Variants in COL24A1 observed in about 807,000 individuals in gnomAD.
COL24A1 encodes collagen type XXIV alpha 1 chain, also known as collagen alpha-1(XXIV) chain.
COL24A1 carries 224 observed loss-of-function variants against 253.9 expected under a neutral mutation model. The ratio of observed to expected loss-of-function variants is 0.88; its 90% CI spans 0.79 to 0.99. The LOEUF is 0.99. Among genes scored for constraint, COL24A1 ranks in the 50% least tolerant of loss-of-function variants. COL24A1 has a pLI of 0.00. For synonymous variants in COL24A1, 685 were observed against 673.7 expected (o/e 1.02, Z -0.26); for missense variants, 2,131 against 2,068.5 (o/e 1.03, Z -0.59).
chr1:86,102,235 C>A (rs1704532239), intron 5 of COL24A1, among the ~76,000 whole-genome samples: 1 of 152,008 alleles, frequency 6.6e-6, no homozygotes, highest in African/African-American at 2.4e-5. Flanking sequence ...GTGGTAATAT[C>A]CCCTTTGTTG....
chr1:85,895,742 G>T lies in COL24A1; in HGVS notation c.2922+116C>A, dbSNP rs537690996. On this transcript the variant is annotated intron_variant, in intron 31 of 59. Coordinates refer to ENST00000370571, the MANE Select transcript of COL24A1 (RefSeq NM_152890.7). ...ATATCAAAATATCACATTGTATACT[G>T]CAAATATATATAATTTTTATGTGTC... is the stretch of plus-strand genomic sequence containing the variant. The T allele has an allele frequency of 7.2e-4, 582 of 802,856 alleles. 1 individual carries two copies. The highest frequency in any genetic ancestry group is 6.7e-4 in the Non-Finnish European group (329 of 489,742). 49.7% of individuals were successfully genotyped at this position (802,856 alleles called of 1,614,324 possible). A position where few individuals can be genotyped will look rare whatever the true frequency, so the allele number is the denominator to read the frequency against.
At chr1:85,831,419 A>G (rs934724327) in intron 43 of COL24A1, among the ~76,000 whole-genome samples, 1 of 152,144 alleles carries the variant, frequency 6.6e-6, no homozygotes, top group Non-Finnish European at 1.5e-5. Flanking sequence ...AGAATAGCCA[A>G]CTGCCTCTCC....
intron 3 of COL24A1, among the ~76,000 whole-genome samples, chr1:86,118,773 T>C (rs145752433): frequency 4.8e-4 from 73 of 152,136 alleles, no homozygotes; most frequent in African/African-American, 1.7e-3. Context: ...ACCTAAAAGA[T>C]TAATGGGAGC....
At chr1:85,959,235 A>G (rs924062678) in intron 24 of COL24A1, among the ~76,000 whole-genome samples, 4 of 152,116 alleles carry the variant, frequency 2.6e-5, no homozygotes, top group Non-Finnish European at 5.9e-5. Context: ...AAAAATAAAA[A>G]TATTCTTTAG....
At chr1:86,032,807 A>G (rs1185148203) in intron 13 of COL24A1, among the ~76,000 whole-genome samples, 1 of 152,176 alleles carries the variant, frequency 6.6e-6, no homozygotes, top group Non-Finnish European at 1.5e-5. Flanking sequence ...TTTTAAATGA[A>G]GAGCAGATTT....
intron 53 of COL24A1, among the ~76,000 whole-genome samples, chr1:85,763,245 C>T (rs1323904027): frequency 1.3e-5 from 2 of 151,724 alleles, no homozygotes. Context: ...AGTGAAACCC[C>T]ATCTCTACTA....
intron 53 of COL24A1, among the ~76,000 whole-genome samples, chr1:85,771,869 T>C (rs1171238578): frequency 1.3e-5 from 2 of 149,908 alleles, no homozygotes; most frequent in Non-Finnish European, 3.0e-5. Context: ...TACATATGTA[T>C]ACATGTGCCA....
Position 85,771,911 on chromosome 1 carries a change from C to T in COL24A1, c.4374+3763G>A, listed in dbSNP as rs1413836812. ...TGCGCTGCACCCACTAACTCGTCAT[C>T]TAGCATTAGGTATATCTCCCAATGC... On this transcript the variant is annotated intron_variant, in intron 53 of 59. Coordinates refer to ENST00000370571, the MANE Select transcript of COL24A1 (RefSeq NM_152890.7). Among the ~76,000 whole-genome samples the T allele has an allele frequency of 1.1e-3, 168 of 148,686 alleles. 1 individual carries two copies. Among genetic ancestry groups the T allele is most frequent in the Non-Finnish European group, 8.3e-4 (56 of 67,072 alleles).
At chr1:86,096,830 A>C (rs997110) in intron 5 of COL24A1, among the ~76,000 whole-genome samples, 43,731 of 152,062 alleles carry the variant, frequency 0.29, 7,544 homozygotes, top group Non-Finnish European at 0.38. Flanking sequence ...GTGTCCAATA[A>C]TTGTCTTAGT....
Position 85,730,420 on chromosome 1 carries a change from G to A in COL24A1, c.*126C>T. 4 of 993,336 alleles carry A rather than the reference G, an allele frequency of 4.0e-6. No individual in the cohort carries two copies. In the South Asian group the frequency reaches 6.9e-5, roughly 17 times the overall value. The allele number at this position is 993,336 out of a possible 1,614,324, so 61.5% of individuals were successfully genotyped here. A position where few individuals can be genotyped will look rare whatever the true frequency, so the allele number is the denominator to read the frequency against. On this transcript the variant is annotated 3_prime_UTR_variant, in exon 60 of 60. Transcript: ENST00000370571. The stretch of plus-strand genomic sequence containing the variant: ...TTAGGAGGAAGTCTGTTCTTCCTGA[G>A]ATTCTTTAAGATTTAGCCAATGCTT...
At chr1:85,822,694 T>C (rs971849423) in intron 45 of COL24A1, among the ~76,000 whole-genome samples, 1 of 152,202 alleles carries the variant, frequency 6.6e-6, no homozygotes, top group South Asian at 2.1e-4. Flanking sequence ...TTAGTCAGGC[T>C]CCTGAACCTT....
At chr1:85,816,506 T>C (rs1227551594) in intron 47 of COL24A1, among the ~76,000 whole-genome samples, 1 of 152,224 alleles carries the variant, frequency 6.6e-6, no homozygotes, top group African/African-American at 2.4e-5. Context: ...GTGTAGTCCT[T>C]AAGCTTTTGC....
intron 11 of COL24A1, among the ~76,000 whole-genome samples, chr1:86,047,297 C>A (rs1456149627): frequency 6.6e-6 from 1 of 152,134 alleles, no homozygotes; most frequent in African/African-American, 2.4e-5. Flanking sequence ...ATCTTGCAAT[C>A]ATATAGGAAA....
intron 12 of COL24A1, among the ~76,000 whole-genome samples, chr1:86,040,873 AAC>A (rs1381877526): frequency 3.3e-5 from 5 of 152,142 alleles, no homozygotes; most frequent in Non-Finnish European, 5.9e-5. Flanking sequence ...CTAAAACAAA[AAC>A]AAAACAAAAT....
intron 24 of COL24A1, among the ~76,000 whole-genome samples, chr1:85,922,729 A>T (rs1266945549): frequency 6.6e-6 from 1 of 152,232 alleles, no homozygotes; most frequent in African/African-American, 2.4e-5. Flanking sequence ...AATTGTAAAG[A>T]CCATCAATGC....
rs768798606 is a variant in COL24A1, at chr1:86,124,802, G to A, written c.1491+43C>T. 4.8e-5 allele frequency: 68 copies of A among 1,402,276 alleles called. No homozygotes were observed. In the Middle Eastern group the frequency reaches 3.9e-3, roughly 80 times the overall value. 86.9% of individuals were successfully genotyped at this position (1,402,276 alleles called of 1,614,324 possible). ...ATGTATTTTAAAGAGAGTTTAAAATGTAAGTTAGCATATTAGGAGATATTA... is the reference window on the plus strand; with the variant it reads ...ATGTATTTTAAAGAGAGTTTAAAATATAAGTTAGCATATTAGGAGATATTA... On this transcript the variant is annotated intron_variant, in intron 3 of 59. Coordinates refer to ENST00000370571, the MANE Select transcript of COL24A1 (RefSeq NM_152890.7).
intron 53 of COL24A1, among the ~76,000 whole-genome samples, chr1:85,772,400 G>A (rs1364206994): frequency 5.9e-5 from 9 of 151,646 alleles, no homozygotes; most frequent in Admixed American, 1.3e-4. Flanking sequence ...TCAGTGTGGC[G>A]ATTCCTCAGG....
chr1:85,922,274 C>A (rs891047579), intron 24 of COL24A1, among the ~76,000 whole-genome samples: 1 of 152,118 alleles, frequency 6.6e-6, no homozygotes. Context: ...ACTTCCCCAA[C>A]CTAGCAAGGT....
At chr1:86,145,559 A>C (rs1174497887) in intron 2 of COL24A1, among the ~76,000 whole-genome samples, 7 of 152,236 alleles carry the variant, frequency 4.6e-5, no homozygotes, top group African/African-American at 1.7e-4. Context: ...AATCATGTTT[A>C]AATGAATGAA....
Sources: allele counts gnomAD v4.1 joint callset (sites outside exome capture counted in the v4.1 genomes callset), GRCh38; gene constraint gnomAD v4.1.1; transcripts MANE v1.5; gene names NCBI Gene and HGNC (gene_info 2026-07-23, HGNC 2026-07-21).